Variants in NUP93 observed in about 807,000 individuals in gnomAD.
The protein encoded by NUP93 is nuclear pore complex protein Nup93.
NUP93 carries 55 observed loss-of-function variants against 107.8 expected under a neutral mutation model. The ratio of observed to expected loss-of-function variants is 0.51; its 90% CI spans 0.41 to 0.64. The LOEUF (loss-of-function observed/expected upper bound fraction) is 0.64. Among genes scored for constraint, NUP93 ranks in the 30% least tolerant of loss-of-function variants. NUP93 has a pLI of 0.00. For synonymous variants in NUP93, 390 were observed against 397.5 expected (o/e 0.98, Z 0.22); for missense variants, 937 against 1,044.7 (o/e 0.90, Z 1.42).
rs959385735 is a variant in NUP93 at position 56,847,526 on chromosome 16, G to T, written c.*2917G>T. Reference sequence around the variant, plus strand: ...ACTGTCAGGGTTTGTTCCTGTCTCAGAATGGCTCATAATAAACTCACTGAA... The same window carrying T: ...ACTGTCAGGGTTTGTTCCTGTCTCATAATGGCTCATAATAAACTCACTGAA... On this transcript the variant is annotated 3_prime_UTR_variant, in exon 22 of 22. Transcript: ENST00000308159. 2.0e-5 allele frequency: 3 copies of T among 152,212 alleles called. No homozygotes were observed. Among genetic ancestry groups the T allele is most frequent in the Non-Finnish European group, 4.4e-5 (3 of 68,038 alleles). 9.4% of individuals were successfully genotyped at this position (152,212 alleles called of 1,614,324 possible). A position where few individuals can be genotyped will look rare whatever the true frequency, so the allele number is the denominator to read the frequency against.
intron 2 of NUP93, among the ~76,000 whole-genome samples, chr16:56,749,832 A>G (rs1961886624): frequency 6.6e-6 from 1 of 152,086 alleles, no homozygotes; most frequent in African/African-American, 2.4e-5. Context: ...GAACCCTGGC[A>G]GGGATTTTTT....
At chr16:56,820,207 AG>A (rs1328523447) in intron 6 of NUP93, among the ~76,000 whole-genome samples, 3 of 152,262 alleles carry the variant, frequency 2.0e-5, no homozygotes, top group Non-Finnish European at 4.4e-5. Flanking sequence ...TAAAGAGTGA[AG>A]CTTTATATCC....
chr16:56,828,912 TG>T, intron 8 of NUP93, 64 bp from the exon 9 acceptor site: 1 of 1,528,454 alleles, frequency 6.5e-7, no homozygotes, highest in Non-Finnish European at 9.0e-7. Context: ...GTCATGGATA[TG>T]GGCATAGAGA....
intron 3 of NUP93, chr16:56,781,727 A>G (rs1283884013): frequency 4.7e-6 from 3 of 638,252 alleles, no homozygotes; most frequent in Non-Finnish European, 3.9e-6. Flanking sequence ...GGGGAAAAAA[A>G]GTATCATAGC....
chr16:56,748,926 G>A (rs1476783311), intron 2 of NUP93, among the ~76,000 whole-genome samples: 4 of 152,114 alleles, frequency 2.6e-5, no homozygotes, highest in East Asian at 1.9e-4. Flanking sequence ...TCAGTGACCC[G>A]GGAGGCTGCT....
At chr16:56,838,766 G>C (rs1963961619) in intron 18 of NUP93, among the ~76,000 whole-genome samples, 186 bp from the exon 19 acceptor site, 1 of 152,048 alleles carries the variant, frequency 6.6e-6, no homozygotes, top group Non-Finnish European at 1.5e-5. Context: ...GGGTCTCGCT[G>C]TGTGTCCAGG....
intron 3 of NUP93, among the ~76,000 whole-genome samples, chr16:56,783,016 T>G (rs1323257167): frequency 6.6e-6 from 1 of 152,220 alleles, no homozygotes; most frequent in African/African-American, 2.4e-5. Context: ...AAGCATTATC[T>G]GGAGGGTGAT....
intron 20 of NUP93, among the ~76,000 whole-genome samples, chr16:56,840,203 G>A (rs550960520): frequency 6.6e-6 from 1 of 152,234 alleles, no homozygotes; most frequent in African/African-American, 2.4e-5. Flanking sequence ...TGTATATTTA[G>A]TAGAGATGGG....
intron 5 of NUP93, among the ~76,000 whole-genome samples, chr16:56,816,451 C>T (rs1201305494): frequency 6.6e-6 from 1 of 152,136 alleles, no homozygotes; most frequent in Non-Finnish European, 1.5e-5. Flanking sequence ...GTCAGGGACC[C>T]AACACCTTTC....
intron 1 of NUP93, among the ~76,000 whole-genome samples, chr16:56,736,928 C>T (rs1416848538): frequency 6.6e-6 from 1 of 152,228 alleles, no homozygotes; most frequent in African/African-American, 2.4e-5. Flanking sequence ...GTAGAAAAGT[C>T]TCCCAACTCT....
chr16:56,763,824 A>G (rs1962172271), intron 3 of NUP93, among the ~76,000 whole-genome samples: 1 of 151,066 alleles, frequency 6.6e-6, no homozygotes, highest in South Asian at 2.2e-4. Context: ...AATTCTAATC[A>G]TGGTTAAGTG....
chr16:56,786,504 T>C, intron 3 of NUP93, among the ~76,000 whole-genome samples: 1 of 152,244 alleles, frequency 6.6e-6, no homozygotes, highest in Non-Finnish European at 1.5e-5. Flanking sequence ...AAGTCTGTCT[T>C]GTCTTTGCCT....
intron 18 of NUP93, among the ~76,000 whole-genome samples, chr16:56,838,348 G>C (rs1274976839): frequency 3.3e-5 from 5 of 152,128 alleles, no homozygotes; most frequent in Non-Finnish European, 5.9e-5. Context: ...AGGGCTGCTC[G>C]GCTTTTTGCC....
At chr16:56,800,422 A>G (rs1962996520) in intron 4 of NUP93, among the ~76,000 whole-genome samples, 1 of 152,182 alleles carries the variant, frequency 6.6e-6, no homozygotes, top group East Asian at 1.9e-4. Context: ...ACCCCGCAGA[A>G]TGTGTTTCTG....
chr16:56,823,997 G>A (rs930120645), intron 8 of NUP93, 151 bp downstream of exon 8: 45 of 1,053,394 alleles, frequency 4.3e-5, no homozygotes, highest in Middle Eastern at 3.1e-4. Flanking sequence ...TTGTAATCCT[G>A]TTTCAGAAAT....
intron 5 of NUP93, among the ~76,000 whole-genome samples, chr16:56,808,615 T>TAAA (rs1205543871): frequency 9.2e-5 from 12 of 130,988 alleles, no homozygotes; most frequent in African/African-American, 3.0e-4. Flanking sequence ...TATATAAATA[T>TAAA]TTATAAATAT....
chr16:56,800,152 C>T (rs1233026940), intron 4 of NUP93, among the ~76,000 whole-genome samples: 1 of 152,142 alleles, frequency 6.6e-6, no homozygotes, highest in African/African-American at 2.4e-5. Flanking sequence ...CACTGCACTC[C>T]AGCCAGGGTG....
chr16:56,811,571 C>G (rs570839054), intron 5 of NUP93, among the ~76,000 whole-genome samples: 1 of 151,626 alleles, frequency 6.6e-6, no homozygotes, highest in South Asian at 2.1e-4. Context: ...AGTGGAATGG[C>G]GTGATTCTCG....
At chr16:56,794,059 T>C (rs957338369) in intron 3 of NUP93, among the ~76,000 whole-genome samples, 1 of 94,412 alleles carries the variant, frequency 1.1e-5, no homozygotes, top group African/African-American at 4.9e-5. Flanking sequence ...CATCTCTAGA[T>C]AGATAGATAG....
Sources: allele counts gnomAD v4.1 joint callset (sites outside exome capture counted in the v4.1 genomes callset), GRCh38; gene constraint gnomAD v4.1.1; transcripts MANE v1.5; gene names NCBI Gene and HGNC (gene_info 2026-07-23, HGNC 2026-07-21).